The following METTL25 variants were observed in gnomAD, a reference collection of about 807,000 sequenced individuals.
The protein encoded by METTL25 is probable methyltransferase-like protein 25.
Under a neutral mutation model 71.6 loss-of-function variants are expected in METTL25, and 64 were observed. The observed-to-expected ratio is 0.89, with a 90% confidence interval of 0.73 to 1.10. METTL25 has a LOEUF of 1.10. Ranked by LOEUF, METTL25 falls within the 50% of genes least tolerant of loss-of-function variation. METTL25 has a pLI of 0.00. For missense variants in METTL25, 807 were observed against 707.0 expected, an observed-to-expected ratio of 1.14 and a Z score of -1.60; for synonymous variants, 287 against 250.3, an observed-to-expected ratio of 1.15 and a Z score of -1.38.
chr12:82,430,113 C>CA (rs1267145174), intron 5 of METTL25, among the ~76,000 whole-genome samples: 3 of 149,716 alleles, frequency 2.0e-5, no homozygotes, highest in African/African-American at 7.3e-5. Context: ...TTTATCTCGA[C>CA]TTTTTTTTAA....
At chr12:82,415,817 C>T (rs1464188307) in intron 5 of METTL25, among the ~76,000 whole-genome samples, 1 of 152,158 alleles carries the variant, frequency 6.6e-6, no homozygotes, top group Non-Finnish European at 1.5e-5. Context: ...AAAACTCCTT[C>T]ACGGGCCATC....
At chr12:82,469,145 A>C (rs1220531387) in intron 9 of METTL25, among the ~76,000 whole-genome samples, 1 of 152,098 alleles carries the variant, frequency 6.6e-6, no homozygotes. Context: ...CACTAAGGGG[A>C]TGTCTATGGA....
chr12:82,463,737 C>A (rs1278242612), intron 9 of METTL25, among the ~76,000 whole-genome samples: 1 of 151,900 alleles, frequency 6.6e-6, no homozygotes, highest in Non-Finnish European at 1.5e-5. Context: ...TGCATCCTTG[C>A]CAACATTTGT....
At position 82,461,718 on chromosome 12, in the gene METTL25, A is replaced by AC. The variant is rs1183136834; in HGVS notation, c.1572+4898_1572+4899insC. 5.9e-5 allele frequency among the ~76,000 whole-genome samples: 9 copies of AC among 152,000 alleles called. No individual in the cohort carries two copies. In the East Asian group the frequency reaches 1.5e-3, roughly 26 times the overall value. ...AAACTTTGAAATAAAGGCAAAAAAA[A>AC]ATCAAGGAATGATGAATCTTACTAA... On this transcript the variant is annotated intron_variant, in intron 9 of 11. Transcript: ENST00000248306.
At chr12:82,406,382 G>C (rs1228400474) in intron 5 of METTL25, among the ~76,000 whole-genome samples, 1 of 151,972 alleles carries the variant, frequency 6.6e-6, no homozygotes, top group Non-Finnish European at 1.5e-5. Flanking sequence ...TAGAAAAAAA[G>C]TACATATACA....
At chr12:82,368,144 C>G (rs2136833279) in intron 1 of METTL25, among the ~76,000 whole-genome samples, 1 of 152,124 alleles carries the variant, frequency 6.6e-6, no homozygotes, top group African/African-American at 2.4e-5. Context: ...TCTAATCCAT[C>G]TCTAACTCTG....
chr12:82,452,756 C>T (rs1891234421), intron 8 of METTL25, among the ~76,000 whole-genome samples: 1 of 152,102 alleles, frequency 6.6e-6, no homozygotes, highest in African/African-American at 2.4e-5. Flanking sequence ...ATTCGTTATA[C>T]TTAATAGTGG....
chr12:82,423,406 GACTT>G (rs1353777177), intron 5 of METTL25, among the ~76,000 whole-genome samples: 3 of 152,304 alleles, frequency 2.0e-5, no homozygotes, highest in Admixed American at 6.5e-5. Context: ...ATGGATTAAA[GACTT>G]ACATGTTAGA....
At chr12:82,460,022 T>G (rs1335021295) in intron 9 of METTL25, 2 of 152,220 alleles carry the variant, frequency 1.3e-5, no homozygotes. Flanking sequence ...TCCACTTACT[T>G]TAGTTCTTAA....
intron 8 of METTL25, among the ~76,000 whole-genome samples, chr12:82,443,462 C>CAAAAAAAAAAAA (rs67737833): frequency 1.1e-4 from 11 of 96,568 alleles, no homozygotes; most frequent in Non-Finnish European, 2.2e-4. Context: ...CAGAGGAGAC[C>CAAAAAAAAAAAA]AAAAAAAAAA....
At chr12:82,360,970 G>A (rs114356348) in intron 1 of METTL25, among the ~76,000 whole-genome samples, 243 of 152,270 alleles carry the variant, frequency 1.6e-3, no homozygotes, top group African/African-American at 5.5e-3. Flanking sequence ...GCTCACAAAC[G>A]CAGTGTGGAC....
At chr12:82,471,774 G>C (rs1266864136) in intron 9 of METTL25, among the ~76,000 whole-genome samples, 3 of 152,130 alleles carry the variant, frequency 2.0e-5, no homozygotes, top group African/African-American at 7.2e-5. Context: ...TGTTTTCTCA[G>C]TAGATTTCAT....
At chr12:82,378,646 C>G (rs1015001255) in intron 1 of METTL25, among the ~76,000 whole-genome samples, 1 of 152,168 alleles carries the variant, frequency 6.6e-6, no homozygotes, top group Non-Finnish European at 1.5e-5. Context: ...TAATTCTACT[C>G]CCTCAAAATC....
At chr12:82,385,814 A>G (rs1286723662) in intron 1 of METTL25, among the ~76,000 whole-genome samples, 2 of 152,138 alleles carry the variant, frequency 1.3e-5, no homozygotes, top group African/African-American at 4.8e-5. Flanking sequence ...TGTAGTCACT[A>G]AAGGATTCAG....
chr12:82,456,623 TG>T (rs1891509011), intron 8 of METTL25, 103 bp from the exon 9 acceptor site: 1 of 615,742 alleles, frequency 1.6e-6, no homozygotes, highest in African/African-American at 1.9e-5. Context: ...TTGGATCTTG[TG>T]CTATATCCAC....
intron 3 of METTL25, among the ~76,000 whole-genome samples, chr12:82,396,758 G>C (rs143198879): frequency 7.4e-4 from 112 of 152,138 alleles, no homozygotes; most frequent in Non-Finnish European, 1.4e-3. Context: ...GTGTGATTTT[G>C]TAGGATATTT....
chr12:82,464,723 A>G (rs899542482), intron 9 of METTL25, among the ~76,000 whole-genome samples: 7 of 151,862 alleles, frequency 4.6e-5, no homozygotes, highest in African/African-American at 7.3e-5. Context: ...TTTTAATATT[A>G]TTAATGCTTT....
intron 9 of METTL25, among the ~76,000 whole-genome samples, chr12:82,472,319 C>G (rs1450227371): frequency 6.6e-6 from 1 of 152,130 alleles, no homozygotes; most frequent in Non-Finnish European, 1.5e-5. Flanking sequence ...AATTCTTGGG[C>G]CTGGCGCAGT....
chr12:82,415,732 A>G (rs1201882834), intron 5 of METTL25, among the ~76,000 whole-genome samples: 1 of 152,150 alleles, frequency 6.6e-6, no homozygotes, highest in East Asian at 1.9e-4. Context: ...AATGGGTTTG[A>G]TGATGCCCAC....
Sources: gnomAD v4.1 joint callset for allele counts (sites outside exome capture counted in the v4.1 genomes callset) on GRCh38, gnomAD v4.1.1 for gene constraint, MANE v1.5 for transcripts, NCBI Gene and HGNC (gene_info 2026-07-23, HGNC 2026-07-21) for gene names.